ANKRD26: variants seen among roughly 807,000 people sequenced by gnomAD.
The protein encoded by ANKRD26 is ankyrin repeat domain-containing protein 26.
ANKRD26 carries 141 observed loss-of-function variants against 208.7 expected under a neutral mutation model. The ratio of observed to expected loss-of-function variants is 0.68; its 90% confidence interval spans 0.59 to 0.78. The LOEUF (loss-of-function observed/expected upper bound fraction) is 0.78, where lower values mean the gene tolerates loss of function less well. Ranked by LOEUF, ANKRD26 falls within the 30% of genes least tolerant of loss-of-function variation. The probability of loss-of-function intolerance (pLI) is 0.00; values close to 1 mark genes in which losing one functional copy is unlikely to be tolerated. For synonymous variants in ANKRD26, 636 were observed against 660.4 expected (o/e 0.96, Z 0.57); for missense variants, 1,889 against 1,938.7 (o/e 0.97, Z 0.48).
At chr10:27,061,611 G>T (rs1403400846) in intron 12 of ANKRD26, among the ~76,000 whole-genome samples, 1 of 139,490 alleles carries the variant, frequency 7.2e-6, no homozygotes, top group Non-Finnish European at 1.5e-5. Context: ...CCGGACTGTA[G>T]TGCAGTGGCA....
At chr10:27,065,487 T>C (rs2055205300) in intron 11 of ANKRD26, among the ~76,000 whole-genome samples, 1 of 152,166 alleles carries the variant, frequency 6.6e-6, no homozygotes, top group South Asian at 2.1e-4. Context: ...ACATTCCTGT[T>C]CCAACTTTCC....
At chr10:27,098,194 A>G (rs898689813) in intron 1 of ANKRD26, among the ~76,000 whole-genome samples, 1 of 151,972 alleles carries the variant, frequency 6.6e-6, no homozygotes, top group Non-Finnish European at 1.5e-5. Flanking sequence ...CATTTTTAAT[A>G]GAGACAGGGT....
At chr10:27,056,528 C>CA (rs762036286) in intron 15 of ANKRD26, among the ~76,000 whole-genome samples, 5 of 151,308 alleles carry the variant, frequency 3.3e-5, no homozygotes, top group African/African-American at 4.9e-5. Flanking sequence ...CTGTAATCCC[C>CA]ACAATTTGGG....
At chr10:27,022,415 A>G in intron 29 of ANKRD26, 143 bp downstream of exon 29, 1 of 580,190 alleles carries the variant, frequency 1.7e-6, no homozygotes. Context: ...TCTGAACTTA[A>G]AAGTTTAAAA....
At chr10:26,977,680 G>C (rs577329269) in intron 5 of ANKRD26, among the ~76,000 whole-genome samples, 1 of 152,180 alleles carries the variant, frequency 6.6e-6, no homozygotes, top group Non-Finnish European at 1.5e-5. Context: ...TTGAGACAGA[G>C]ACACAAGTCC....
chr10:26,995,254 G>T (rs2052565005), intron 4 of ANKRD26: 1 of 458,582 alleles, frequency 2.2e-6, no homozygotes, highest in South Asian at 1.6e-5. Flanking sequence ...GTTGAGTTAT[G>T]ATGAGAGTTT....
chr10:27,066,574 T>C lies in ANKRD26; in HGVS notation c.1208-26A>G, dbSNP rs749798476. ...CTATCAAATGTGATACACAGATATA[T>C]TCATGAGAACATTTACTATTGTAAA... On this transcript the variant is annotated intron_variant, in intron 10 of 33. Transcript: ENST00000376087. 2.7e-6 allele frequency: 4 copies of C among 1,489,806 alleles called. No individual in the cohort carries two copies. In the East Asian group the frequency reaches 9.1e-5, roughly 34 times the overall value. The allele number at this position is 1,489,806 out of a possible 1,614,324, so 92.3% of individuals were successfully genotyped here. A position where few individuals can be genotyped will look rare whatever the true frequency, so the allele number is the denominator to read the frequency against.
At chr10:26,980,416 A>G (rs796797323) in intron 5 of ANKRD26, among the ~76,000 whole-genome samples, 39 of 152,358 alleles carry the variant, frequency 2.6e-4, no homozygotes, top group African/African-American at 9.4e-4. Flanking sequence ...CATGTGGAAC[A>G]GCTGGTAAGG....
chr10:27,088,000 G>A (rs891676340), intron 4 of ANKRD26, among the ~76,000 whole-genome samples: 1 of 151,934 alleles, frequency 6.6e-6, no homozygotes, highest in African/African-American at 2.4e-5. Context: ...TGCCCAGGCT[G>A]GTCTTGAACT....
At chr10:27,075,095 A>G (rs1429601505) in intron 9 of ANKRD26, among the ~76,000 whole-genome samples, 1 of 152,224 alleles carries the variant, frequency 6.6e-6, no homozygotes, top group African/African-American at 2.4e-5. Flanking sequence ...AAAGTTCTCA[A>G]TGTTGAAATA....
At chr10:27,011,052 A>AT (rs2053085666) in intron 32 of ANKRD26, among the ~76,000 whole-genome samples, 2 of 152,160 alleles carry the variant, frequency 1.3e-5, no homozygotes, top group Admixed American at 1.3e-4. Context: ...GTCTTCTATG[A>AT]TTTGTTAGGA....
At chr10:27,028,585 C>CAAAAAAAAAAAAAAAA (rs11294303) in intron 27 of ANKRD26, among the ~76,000 whole-genome samples, 790 of 75,964 alleles carry the variant, frequency 0.01, 7 homozygotes, top group East Asian at 0.039. Context: ...GACTCCATCT[C>CAAAAAAAAAAAAAAAA]AAAAAAAAAA....
intron 9 of ANKRD26, among the ~76,000 whole-genome samples, chr10:27,067,923 A>G (rs2055324369): frequency 6.6e-6 from 1 of 152,254 alleles, no homozygotes; most frequent in African/African-American, 2.4e-5. Flanking sequence ...TCCTATATTC[A>G]TCAAGTGCGG....
the ANKRD26 span, among the ~76,000 whole-genome samples, chr10:26,957,687 C>T: frequency 5.3e-5 from 8 of 152,184 alleles, no homozygotes; most frequent in East Asian, 3.9e-4. Flanking sequence ...ACTCTCTGGT[C>T]GTTTGGGGGC....
Position 27,035,689 on chromosome 10 carries a change from T to C in ANKRD26, c.2761A>G (p.Ile921Val). 2 of 1,603,402 alleles carry C rather than the reference T, an allele frequency of 1.2e-6. No homozygotes were observed. The highest frequency in any genetic ancestry group is 2.2e-5 in the East Asian group (1 of 44,776). The change falls in exon 24 of 34, where the codon ATT becomes GTT. Residue 921 changes from isoleucine (I) to valine (V), a missense_variant. Ile to Val is a conservative substitution (Grantham distance 29). Transcript: ENST00000376087. ...TCTATTTCTAGTCTTAGCATAGCAA[T>C]TTCTTCCTGCAACATGCTATTTTTA... Reference protein sequence around the residue: ...SHKNSMLQEEIAMLRLEIDTI... With the variant: ...SHKNSMLQEEVAMLRLEIDTI...
intron 19 of ANKRD26, 51 bp from the exon 20 acceptor site, chr10:27,043,618 C>T (rs776604848): frequency 7.8e-6 from 12 of 1,543,416 alleles, no homozygotes; most frequent in Non-Finnish European, 1.1e-5. Flanking sequence ...ATTTATAGCA[C>T]ATACAGAAGT....
In ANKRD26 at chr10:27,043,537, C is replaced by T. The variant is rs1299741555; in HGVS notation, c.2050G>A (p.Val684Ile). Residue 684 changes from valine (V) to isoleucine (I), a missense_variant, in exon 20 of 34, where the codon GTT (valine) becomes ATT (isoleucine). Coordinates refer to ENST00000376087, the MANE Select transcript of ANKRD26 (RefSeq NM_014915.3). ...VKNQIQSMDD[V>I]DDLTQSSETA... is the part of the protein sequence containing the mutation. ...TCAGATGACTGAGTTAAGTCATCAA[C>T]ATCATCCATAGACTGTATTTGGTTT... 11 of 1,613,748 alleles carry T rather than the reference C, an allele frequency of 6.8e-6. No individual in the cohort carries two copies. Among genetic ancestry groups the T allele is most frequent in the African/African-American group, 1.3e-5 (1 of 74,916 alleles).
chr10:27,059,380 G>A (rs914470780), intron 15 of ANKRD26, among the ~76,000 whole-genome samples: 59 of 152,256 alleles, frequency 3.9e-4, no homozygotes, highest in Admixed American at 8.5e-4. Context: ...AGAATGATAT[G>A]TACAATGTAC....
chr10:27,028,801 A>T, intron 27 of ANKRD26, 51 bp downstream of exon 27: 1 of 1,432,834 alleles, frequency 7.0e-7, no homozygotes. Context: ...TTGTCCTACT[A>T]AAGCAATAAA....
Sources: gnomAD v4.1 joint callset for allele counts (sites outside exome capture counted in the v4.1 genomes callset) on GRCh38, gnomAD v4.1.1 for gene constraint, MANE v1.5 for transcripts, NCBI Gene and HGNC (gene_info 2026-07-23, HGNC 2026-07-21) for gene names.